TP53INP1: variants seen among roughly 807,000 people sequenced by gnomAD.
TP53INP1 encodes tumor protein p53 inducible nuclear protein 1.
TP53INP1 carries 12 observed loss-of-function variants against 21.0 expected under a neutral mutation model. That is an observed-to-expected ratio of 0.57 (90% CI 0.37 to 0.93). The LOEUF (loss-of-function observed/expected upper bound fraction) is 0.93, where lower values mean the gene tolerates loss of function less well. TP53INP1 is among the 40% of genes least tolerant of loss of function. The probability of loss-of-function intolerance (pLI) is 0.01; values close to 1 mark genes in which losing one functional copy is unlikely to be tolerated. For missense variants in TP53INP1, 274 were observed against 294.7 expected (o/e 0.93, Z 0.51); for synonymous variants, 91 against 94.8 (o/e 0.96, Z 0.23).
At position 94,930,293 on chromosome 8, in the gene TP53INP1, A is replaced by C. The variant is rs1820262803; in HGVS notation, c.*186T>G. On this transcript the variant is annotated 3_prime_UTR_variant, in exon 4 of 4. Transcript: ENST00000342697. ...AGTGTACAAAAAAAGTAAATGTTAA[A>C]GGCAAGGCATTATGTGATACACAGC... is the stretch of plus-strand genomic sequence containing the variant. The C allele has an allele frequency of 2.8e-6, 2 of 722,554 alleles. No individual in the cohort carries two copies. The highest frequency in any genetic ancestry group is 4.4e-6 in the Non-Finnish European group (2 of 457,738). The allele number at this position is 722,554 out of a possible 1,614,324, so 44.8% of individuals were successfully genotyped here.
chr8:94,931,917 A>G (rs1820446155), intron 3 of TP53INP1, among the ~76,000 whole-genome samples: 1 of 152,176 alleles, frequency 6.6e-6, no homozygotes, highest in Non-Finnish European at 1.5e-5. Context: ...GGCTGCTGTG[A>G]GCCAATATCA....
At chr8:94,942,876 C>T (rs112287231) in intron 1 of TP53INP1, among the ~76,000 whole-genome samples, 2,290 of 152,208 alleles carry the variant, frequency 0.015, 50 homozygotes, top group African/African-American at 0.053. Flanking sequence ...GTCACAATAG[C>T]AGGCTAGGGG....
chr8:94,945,432 T>G (rs1446608782), intron 1 of TP53INP1: 2 of 152,242 alleles, frequency 1.3e-5, no homozygotes, highest in Non-Finnish European at 2.9e-5. Context: ...ATATGGCTAC[T>G]AGAAAATTCA....
chr8:94,946,634 C>T (rs547419605), intron 1 of TP53INP1, among the ~76,000 whole-genome samples: 78 of 139,236 alleles, frequency 5.6e-4, no homozygotes, highest in Middle Eastern at 4.1e-3. Context: ...GAGTTTGAAG[C>T]TGCAGTGAGT....
intron 1 of TP53INP1, among the ~76,000 whole-genome samples, chr8:94,943,718 A>C (rs1438080055): frequency 6.6e-6 from 1 of 152,226 alleles, no homozygotes; most frequent in East Asian, 1.9e-4. Flanking sequence ...TTGGCACACT[A>C]CTACACAAGT....
chr8:94,948,813 G>A (rs1240720937), intron 1 of TP53INP1, among the ~76,000 whole-genome samples: 6 of 152,198 alleles, frequency 3.9e-5, no homozygotes, highest in African/African-American at 1.2e-4. Context: ...CCGCGGCCAA[G>A]AAAACAAGCC....
intron 3 of TP53INP1, 46 bp downstream of exon 3, chr8:94,939,814 C>A (rs767090417): frequency 6.4e-7 from 1 of 1,571,884 alleles, no homozygotes; most frequent in Non-Finnish European, 8.6e-7. Context: ...AGACAAAATG[C>A]ATGCTCAGTG....
chr8:94,935,311 T>C (rs1300774408), intron 3 of TP53INP1, among the ~76,000 whole-genome samples: 1 of 152,120 alleles, frequency 6.6e-6, no homozygotes, highest in Non-Finnish European at 1.5e-5. Context: ...CCCAAAATAC[T>C]TTAACAGGAA....
chr8:94,929,096 G>C lies in TP53INP1; in HGVS notation c.*1383C>G, dbSNP rs575290551. 2 of 152,728 alleles carry C rather than the reference G, an allele frequency of 1.3e-5. No individual in the cohort carries two copies. The highest frequency in any genetic ancestry group is 4.8e-5 in the African/African-American group (2 of 41,546). The allele number at this position is 152,728 out of a possible 1,614,324, so 9.5% of individuals were successfully genotyped here. A position where few individuals can be genotyped will look rare whatever the true frequency, so the allele number is the denominator to read the frequency against. On this transcript the variant is annotated 3_prime_UTR_variant, in exon 4 of 4. Coordinates refer to ENST00000342697, the MANE Select transcript of TP53INP1 (RefSeq NM_033285.4). ...ATTTTCTCTAAGTTAACTGGCCTAC[G>C]TGTGAATCGAACCCTGCACCCTGGC...
chr8:94,948,795 A>C (rs1490744368), intron 1 of TP53INP1, among the ~76,000 whole-genome samples: 1 of 151,892 alleles, frequency 6.6e-6, no homozygotes, highest in Admixed American at 6.6e-5. Context: ...TGAGAGGAGG[A>C]GGTCCCGCCG....
intron 3 of TP53INP1, among the ~76,000 whole-genome samples, chr8:94,938,889 A>C (rs1283112851): frequency 6.6e-6 from 1 of 152,232 alleles, no homozygotes; most frequent in Non-Finnish European, 1.5e-5. Context: ...GCATAAGTAA[A>C]ACCTGGGGCT....
In TP53INP1 at chr8:94,930,562, G is replaced by C; in HGVS notation, c.640C>G (p.Leu214Val). The C allele has an allele frequency of 6.2e-7, 1 of 1,614,242 alleles. No individual in the cohort carries two copies. The highest frequency in any genetic ancestry group is 8.5e-7 in the Non-Finnish European group (1 of 1,180,044). The part of the protein sequence containing the change: ...LNRNSLRRQN[L>V]TRDCHPRQVK... The stretch of plus-strand genomic sequence containing the variant: ...TGCCGAGGGTGGCAATCCCTGGTAA[G>C]ATTTTGGCGACGAAGGCTATTTCTG... The change falls in exon 4 of 4, where the codon CTT (leucine) becomes GTT (valine). Residue 214 changes from leucine to valine, a missense_variant. Transcript: ENST00000342697.
chr8:94,932,938 C>G (rs1586699803), intron 3 of TP53INP1, among the ~76,000 whole-genome samples: 1 of 152,266 alleles, frequency 6.6e-6, no homozygotes, highest in East Asian at 1.9e-4. Context: ...GCATTCTGGC[C>G]GAGCACAATG....
chr8:94,948,053 T>C (rs945281681), intron 1 of TP53INP1, among the ~76,000 whole-genome samples: 1 of 152,200 alleles, frequency 6.6e-6, no homozygotes, highest in African/African-American at 2.4e-5. Context: ...CCAAAACTAT[T>C]GTGCATTGAG....
chr8:94,934,151 A>G (rs79902434), intron 3 of TP53INP1, among the ~76,000 whole-genome samples: 5 of 10,906 alleles, frequency 4.6e-4, no homozygotes, highest in Non-Finnish European at 3.3e-3. Flanking sequence ...CAGGCACAGA[A>G]AAAAAAAAAC....
In TP53INP1 at chr8:94,931,479, A is replaced by G. The variant is rs1365135328; in HGVS notation, c.474-751T>C. ...TAATCAAGTAGGATTGCTGTAAACT[A>G]TGTCAACACGTAACATGAAGAGCTG... On this transcript the variant is annotated intron_variant, in intron 3 of 3. Coordinates refer to ENST00000342697, the MANE Select transcript of TP53INP1 (RefSeq NM_033285.4). Among the ~76,000 whole-genome samples the G allele has an allele frequency of 2.0e-5, 3 of 148,604 alleles. No homozygotes were observed. The South Asian group carries it at 6.3e-4, about 31-fold the overall frequency.
intron 2 of TP53INP1, 55 bp from the exon 3 acceptor site, chr8:94,940,275 G>A: frequency 6.5e-7 from 1 of 1,529,352 alleles, no homozygotes; most frequent in African/African-American, 1.4e-5. Flanking sequence ...TCCCACAGGA[G>A]GATGATTATC....
At position 94,940,102 on chromosome 8, in the gene TP53INP1, A is replaced by G; in HGVS notation, c.231T>C (p.Ala77=). 1.2e-6 allele frequency: 2 copies of G among 1,614,248 alleles called. No homozygotes were observed. Among genetic ancestry groups the G allele is most frequent in the Non-Finnish European group, 1.7e-6 (2 of 1,180,046 alleles). ...SCLPASLECL[A]DTSDSCFLQF... ...GGAGAAAGCAGGAATCACTTGTATC[A>G]GCCAAGCACTCAAGAGATGCCGGTA... Residue 77 remains alanine, a synonymous_variant, in exon 3 of 4, where the codon GCT becomes GCC. Transcript: ENST00000342697.
At chr8:94,943,131 G>A (rs1452018512) in intron 1 of TP53INP1, among the ~76,000 whole-genome samples, 1 of 152,204 alleles carries the variant, frequency 6.6e-6, no homozygotes, top group Non-Finnish European at 1.5e-5. Context: ...GAGCTCAGGA[G>A]TGTGGTCTCA....
Sources: allele counts gnomAD v4.1 joint callset (sites outside exome capture counted in the v4.1 genomes callset), GRCh38; gene constraint gnomAD v4.1.1; transcripts MANE v1.5; gene names NCBI Gene and HGNC (gene_info 2026-07-23, HGNC 2026-07-21).